Variants in RSF1 observed in about 807,000 individuals in gnomAD.
RSF1 encodes remodeling and spacing factor 1.
In RSF1, 13 loss-of-function variants were observed where a neutral mutation model predicts 145.2. The observed-to-expected ratio is 0.09, with a 90% CI of 0.06 to 0.14. RSF1 has a LOEUF of 0.14. Among genes scored for constraint, RSF1 ranks in the 10% least tolerant of loss-of-function variants. RSF1 has a pLI of 1.00. For missense variants in RSF1, 1,517 were observed against 1,718.2 expected (o/e 0.88, Z 2.07); for synonymous variants, 577 against 592.6 (o/e 0.97, Z 0.38).
chr11:77,692,232 A>C (rs1260666040), intron 8 of RSF1, among the ~76,000 whole-genome samples: 3 of 59,738 alleles, frequency 5.0e-5, no homozygotes, highest in Admixed American at 1.9e-4. Context: ...ACTACTTTTA[A>C]ATTTTTTTTT....
intron 4 of RSF1, among the ~76,000 whole-genome samples, chr11:77,731,563 C>T (rs1275368705): frequency 6.6e-6 from 1 of 152,218 alleles, no homozygotes; most frequent in Non-Finnish European, 1.5e-5. Context: ...TCACGGCAGC[C>T]CCTCCTATCA....
intron 1 of RSF1, chr11:77,813,308 A>C: frequency 2.6e-6 from 2 of 777,662 alleles, no homozygotes; most frequent in Non-Finnish European, 4.5e-6. Context: ...CAATTTATTA[A>C]AATAGTTGAC....
At chr11:77,784,519 C>T (rs1286722215) in intron 1 of RSF1, among the ~76,000 whole-genome samples, 1 of 151,990 alleles carries the variant, frequency 6.6e-6, no homozygotes, top group Non-Finnish European at 1.5e-5. Context: ...ACCAGTTTCT[C>T]AGCACAGCTA....
At chr11:77,771,888 C>T (rs985680849) in intron 1 of RSF1, among the ~76,000 whole-genome samples, 5 of 152,136 alleles carry the variant, frequency 3.3e-5, no homozygotes. Context: ...ATGGCTTGGA[C>T]TAAGGCTGTG....
At chr11:77,842,602 T>A in the RSF1 span, 1 of 1,613,968 alleles carries the variant, frequency 6.2e-7, no homozygotes, top group African/African-American at 1.3e-5. Context: ...TAGTCGGACT[T>A]GGGATTGGAG....
chr11:77,708,354 A>G (rs1960602683), intron 5 of RSF1, among the ~76,000 whole-genome samples: 1 of 152,174 alleles, frequency 6.6e-6, no homozygotes, highest in Non-Finnish European at 1.5e-5. Flanking sequence ...GCCTGAGCCC[A>G]GGGAAGCTGA....
At chr11:77,793,847 G>A (rs893901868) in intron 1 of RSF1, among the ~76,000 whole-genome samples, 8 of 152,034 alleles carry the variant, frequency 5.3e-5, no homozygotes, top group Non-Finnish European at 7.4e-5. Context: ...GAGTAGCTGC[G>A]CTCTCCTGAT....
At chr11:77,716,496 T>C (rs776689411) in intron 5 of RSF1, among the ~76,000 whole-genome samples, 12 of 152,238 alleles carry the variant, frequency 7.9e-5, no homozygotes, top group Admixed American at 2.0e-4. Flanking sequence ...TGGAAGATAC[T>C]ATGCTAAGTG....
intron 12 of RSF1, 73 bp from the exon 13 acceptor site, chr11:77,677,072 G>T: frequency 8.5e-7 from 1 of 1,169,762 alleles, no homozygotes; most frequent in Non-Finnish European, 1.2e-6. Flanking sequence ...AATTTCTAGA[G>T]ACAGTCCTTA....
At chr11:77,759,348 A>G (rs1016192200) in intron 2 of RSF1, among the ~76,000 whole-genome samples, 1 of 152,124 alleles carries the variant, frequency 6.6e-6, no homozygotes, top group African/African-American at 2.4e-5. Context: ...CCACCTCTAC[A>G]AAAAATAAAA....
the RSF1 span, among the ~76,000 whole-genome samples, chr11:77,863,209 C>T: frequency 2.0e-5 from 3 of 152,252 alleles, no homozygotes; most frequent in South Asian, 2.1e-4. Context: ...AGGACGAACC[C>T]GGGCACTTAG....
intron 1 of RSF1, among the ~76,000 whole-genome samples, chr11:77,820,255 G>A (rs896773531): frequency 1.1e-4 from 16 of 152,248 alleles, no homozygotes; most frequent in African/African-American, 3.8e-4. Context: ...CCGGCACAAT[G>A]ACCCCTCCCC....
At chr11:77,862,110 A>T in the RSF1 span, among the ~76,000 whole-genome samples, 3 of 152,264 alleles carry the variant, frequency 2.0e-5, no homozygotes, top group East Asian at 5.8e-4. Flanking sequence ...CTAGCACGCA[A>T]GGTAGCAAAT....
chr11:77,786,829 T>C (rs747139809), intron 1 of RSF1, among the ~76,000 whole-genome samples: 2 of 152,156 alleles, frequency 1.3e-5, no homozygotes, highest in Non-Finnish European at 2.9e-5. Flanking sequence ...CAAAAATATA[T>C]GAAACTAGAC....
intron 1 of RSF1, among the ~76,000 whole-genome samples, chr11:77,781,986 T>C (rs971470006): frequency 1.3e-5 from 2 of 152,258 alleles, no homozygotes; most frequent in African/African-American, 2.4e-5. Flanking sequence ...TAGTTGGCTA[T>C]AGTAATATAG....
chr11:77,707,710 G>A (rs1420068149), intron 5 of RSF1, among the ~76,000 whole-genome samples: 3 of 152,190 alleles, frequency 2.0e-5, no homozygotes, highest in Non-Finnish European at 4.4e-5. Flanking sequence ...TACACTGGTA[G>A]TATTAGCATA....
At chr11:77,818,757 CAACAGAGTGAGACTCCGTCTCAAAA>C (rs1166881717) in intron 1 of RSF1, among the ~76,000 whole-genome samples, 1 of 151,908 alleles carries the variant, frequency 6.6e-6, no homozygotes, top group Non-Finnish European at 1.5e-5. Context: ...CCTGCCTGGG[CAACAGAGTGAGACTCCGTCTCAAAA>C]AACAAATAAA....
chr11:77,810,950 T>C (rs914552190), intron 1 of RSF1, among the ~76,000 whole-genome samples: 1 of 152,216 alleles, frequency 6.6e-6, no homozygotes, highest in South Asian at 2.1e-4. Flanking sequence ...AGGGTCTTGC[T>C]GTTTCACCCA....
At chr11:77,733,926 A>C (rs907919679) in intron 4 of RSF1, among the ~76,000 whole-genome samples, 3 of 152,290 alleles carry the variant, frequency 2.0e-5, no homozygotes, top group African/African-American at 7.2e-5. Flanking sequence ...ATCACTTATT[A>C]CATCATATTT....
Sources: allele counts gnomAD v4.1 joint callset (sites outside exome capture counted in the v4.1 genomes callset), GRCh38; gene constraint gnomAD v4.1.1; transcripts MANE v1.5; gene names NCBI Gene and HGNC (gene_info 2026-07-23, HGNC 2026-07-21).